Variants in STK3 observed in about 807,000 individuals in gnomAD.
STK3 encodes the protein serine/threonine kinase 3.
In STK3, 41 loss-of-function variants were observed where a neutral mutation model predicts 58.0. The ratio of observed to expected loss-of-function variants is 0.71; its 90% CI spans 0.55 to 0.92. The LOEUF (loss-of-function observed/expected upper bound fraction) is 0.92. Among genes scored for constraint, STK3 ranks in the 40% least tolerant of loss-of-function variants. STK3 has a pLI of 0.00. For missense variants in STK3, 479 were observed against 602.7 expected, an observed-to-expected ratio of 0.79 and a Z score of 2.15; for synonymous variants, 170 against 191.0, an observed-to-expected ratio of 0.89 and a Z score of 0.91.
intron 3 of STK3, among the ~76,000 whole-genome samples, chr8:98,759,293 T>C (rs568592151): frequency 1.3e-5 from 2 of 152,338 alleles, no homozygotes; most frequent in South Asian, 2.1e-4. Context: ...GAATTACTAA[T>C]TGGCCTAATT....
At chr8:98,507,791 C>G (rs1023450799) in intron 10 of STK3, among the ~76,000 whole-genome samples, 1 of 152,158 alleles carries the variant, frequency 6.6e-6, no homozygotes, top group Non-Finnish European at 1.5e-5. Context: ...GCTGGTCCCT[C>G]TACTTGGAAT....
upstream of STK3, among the ~76,000 whole-genome samples, chr8:98,390,500 A>G (rs940971287): frequency 6.6e-6 from 1 of 152,104 alleles, no homozygotes; most frequent in Non-Finnish European, 1.5e-5. Flanking sequence ...GTGGCTGGGT[A>G]TGGATTTCTT....
chr8:98,426,480 G>T (rs1818234254), intron 3 of STK3, among the ~76,000 whole-genome samples: 1 of 152,128 alleles, frequency 6.6e-6, no homozygotes, highest in African/African-American at 2.4e-5. Flanking sequence ...AGAACTCAGC[G>T]ACTCCCGCCC....
At chr8:98,822,148 T>C (rs1834951562) in intron 1 of STK3, among the ~76,000 whole-genome samples, 1 of 152,156 alleles carries the variant, frequency 6.6e-6, no homozygotes, top group African/African-American at 2.4e-5. Flanking sequence ...ATGTCAGTGA[T>C]TACCTTTTGG....
chr8:98,819,482 A>G (rs927503588), intron 1 of STK3, among the ~76,000 whole-genome samples: 1 of 152,198 alleles, frequency 6.6e-6, no homozygotes. Context: ...CACGGCCTAA[A>G]GCAATCCTAA....
chr8:98,646,882 G>A (rs372444177), intron 6 of STK3, among the ~76,000 whole-genome samples: 183 of 152,228 alleles, frequency 1.2e-3, no homozygotes, highest in African/African-American at 4.1e-3. Flanking sequence ...TTACTGCAGA[G>A]GCCTCCCAAC....
intron 10 of STK3, among the ~76,000 whole-genome samples, chr8:98,510,582 GT>G (rs200308758): frequency 3.0e-4 from 45 of 150,832 alleles, no homozygotes; most frequent in Middle Eastern, 3.4e-3. Context: ...TTTAAATGCA[GT>G]TTTTTTTTAC....
chr8:98,849,488 G>A (rs1013241316), intron 3 of STK3, among the ~76,000 whole-genome samples: 1 of 152,114 alleles, frequency 6.6e-6, no homozygotes, highest in African/African-American at 2.4e-5. Flanking sequence ...TCCACTTCTA[G>A]TTACCAATAT....
intron 10 of STK3, among the ~76,000 whole-genome samples, chr8:98,463,474 A>G (rs141772887): frequency 2.2e-3 from 333 of 152,240 alleles, no homozygotes; most frequent in Non-Finnish European, 2.0e-3. Context: ...GTGATATGAG[A>G]AGTTAGGGTG....
At chr8:98,737,716 CTTTTTT>C (rs532037502) in intron 4 of STK3, among the ~76,000 whole-genome samples, 1 of 148,418 alleles carries the variant, frequency 6.7e-6, no homozygotes, top group Non-Finnish European at 1.5e-5. Context: ...TTTTCTTTTT[CTTTTTT>C]TTTTAGATGG....
intron 1 of STK3, among the ~76,000 whole-genome samples, chr8:98,915,471 G>T (rs1011630869): frequency 0.017 from 1,022 of 61,702 alleles, 2 homozygotes; most frequent in African/African-American, 0.031. Context: ...TATATATATA[G>T]TTCTGTCCTC....
chr8:98,874,315 T>C (rs190503298), intron 3 of STK3, among the ~76,000 whole-genome samples: 1 of 152,234 alleles, frequency 6.6e-6, no homozygotes, highest in African/African-American at 2.4e-5. Flanking sequence ...CTGACAATTA[T>C]GTGTCTTGGA....
rs551314440 is a variant in STK3 at position 98,414,225 on chromosome 8, C to T, written n.484-12712G>A. Among the ~76,000 whole-genome samples the T allele has an allele frequency of 2.0e-5, 3 of 152,296 alleles. No homozygotes were observed. In the South Asian group the frequency reaches 6.2e-4, roughly 32 times the overall value. On this transcript the variant is annotated intron_variant and non_coding_transcript_variant, in intron 3 of 3. Coordinates refer to the STK3 transcript ENST00000517832. ...GTTGCAGTGAGCCAAGATCGTGCCA[C>T]TGCACTCCAGCCTGGGCGACAGAGC...
At chr8:98,852,762 G>A (rs1041793794) in intron 3 of STK3, among the ~76,000 whole-genome samples, 1 of 152,066 alleles carries the variant, frequency 6.6e-6, no homozygotes, top group African/African-American at 2.4e-5. Context: ...ATCTTAAAAG[G>A]GATTATTAGC....
upstream of STK3, chr8:98,388,353 T>C (rs1231738473): frequency 6.6e-6 from 1 of 152,158 alleles, no homozygotes; most frequent in Non-Finnish European, 1.5e-5. Context: ...AACCCTTAGG[T>C]GAATAACTGA....
intron 1 of STK3, among the ~76,000 whole-genome samples, chr8:98,807,310 G>A (rs963277448): frequency 6.6e-6 from 1 of 151,858 alleles, no homozygotes; most frequent in Non-Finnish European, 1.5e-5. Context: ...AGGCTGGAGT[G>A]CAATGGCATG....
At position 98,742,568 on chromosome 8, in the gene STK3, G is replaced by A. The variant is rs1387640437; in HGVS notation, c.351+6708C>T. Among the ~76,000 whole-genome samples the A allele has an allele frequency of 1.1e-4, 14 of 123,246 alleles. 5 individuals carry two copies. Among genetic ancestry groups the A allele is most frequent in the Admixed American group, 1.0e-3 (11 of 10,828 alleles). 80.9% of individuals were successfully genotyped at this position (123,246 alleles called of 152,430 possible). A position where few individuals can be genotyped will look rare whatever the true frequency, so the allele number is the denominator to read the frequency against. Reference sequence around the variant, plus strand: ...AAAAACTCTCAATAAATTATGTATCGATGGGACATATCTCAAAATAATAAG... The same window carrying A: ...AAAAACTCTCAATAAATTATGTATCAATGGGACATATCTCAAAATAATAAG... On this transcript the variant is annotated intron_variant, in intron 4 of 10. Coordinates refer to ENST00000419617, the MANE Select transcript of STK3 (RefSeq NM_006281.4).
At chr8:98,510,018 T>C (rs1173719152) in intron 10 of STK3, among the ~76,000 whole-genome samples, 7 of 151,978 alleles carry the variant, frequency 4.6e-5, no homozygotes, top group Admixed American at 2.0e-4. Context: ...TTAGAATAAA[T>C]TCAAAAGAAA....
chr8:98,763,829 C>T (rs770024467), intron 3 of STK3, among the ~76,000 whole-genome samples: 18 of 152,210 alleles, frequency 1.2e-4, no homozygotes, highest in East Asian at 3.9e-4. Context: ...CCTGCCACCA[C>T]GTCCAGCTAA....
Sources: gnomAD v4.1 joint callset for allele counts (sites outside exome capture counted in the v4.1 genomes callset) on GRCh38, gnomAD v4.1.1 for gene constraint, MANE v1.5 for transcripts, NCBI Gene and HGNC (gene_info 2026-07-23, HGNC 2026-07-21) for gene names.